Variants in NR1D2 observed in about 807,000 individuals in gnomAD.
NR1D2 encodes the protein V-erbA-related protein 1-related.
A neutral mutation model predicts 52.2 loss-of-function variants in NR1D2; 25 were observed. That is an observed-to-expected ratio of 0.48 (90% CI 0.35 to 0.67). The LOEUF is 0.67. Ranked by LOEUF, NR1D2 falls within the 30% of genes least tolerant of loss-of-function variation. NR1D2 has a pLI of 0.01. For synonymous variants in NR1D2, 259 were observed against 230.1 expected, an observed-to-expected ratio of 1.13 and a Z score of -1.14; for missense variants, 681 against 707.2, an observed-to-expected ratio of 0.96 and a Z score of 0.42.
chr3:23,950,897 TTTTTC>T (rs1705909742), intron 1 of NR1D2, among the ~76,000 whole-genome samples: 1 of 133,776 alleles, frequency 7.5e-6, no homozygotes, highest in African/African-American at 3.2e-5. Flanking sequence ...TTTCTCTTTC[TTTTTC>T]TTTTTTTTTT....
chr3:23,970,532 T>C (rs538455734), intron 7 of NR1D2, among the ~76,000 whole-genome samples: 1 of 152,312 alleles, frequency 6.6e-6, no homozygotes, highest in South Asian at 2.1e-4. Flanking sequence ...GGAGTCTTTA[T>C]CCATTTACCT....
chr3:23,969,443 G>A (rs549666372), intron 7 of NR1D2, among the ~76,000 whole-genome samples: 61 of 152,172 alleles, frequency 4.0e-4, no homozygotes, highest in Non-Finnish European at 7.1e-4. Flanking sequence ...TGTATATGAC[G>A]TGGGAGTAGT....
chr3:23,958,214 T>C (rs780337498), intron 3 of NR1D2, among the ~76,000 whole-genome samples: 9 of 152,230 alleles, frequency 5.9e-5, no homozygotes, highest in Non-Finnish European at 1.3e-4. Context: ...ACGTAGTCAG[T>C]GATTTCTGTC....
chr3:23,954,434 G>C (rs1706029555), intron 1 of NR1D2, 103 bp from the exon 2 acceptor site: 1 of 940,094 alleles, frequency 1.1e-6, no homozygotes, highest in Non-Finnish European at 1.6e-6. Flanking sequence ...TTTCATATCA[G>C]TATCCTGTTT....
chr3:23,980,088 T>G lies in NR1D2; in HGVS notation c.*2669T>G, dbSNP rs531070089. On this transcript the variant is annotated 3_prime_UTR_variant, in exon 8 of 8. Transcript: ENST00000312521. ...TTATGGTGATGGTTTAATTACAGAT[T>G]AAAAAATTAGAAGGAAATTTCAGTG... The G allele has an allele frequency of 6.6e-6, 1 of 152,264 alleles. No homozygotes were observed. Among genetic ancestry groups the G allele is most frequent in the African/African-American group, 2.4e-5 (1 of 41,562 alleles). 9.4% of individuals were successfully genotyped at this position (152,264 alleles called of 1,614,324 possible).
intron 3 of NR1D2, among the ~76,000 whole-genome samples, chr3:23,958,242 G>A (rs906822012): frequency 2.0e-5 from 3 of 152,192 alleles, no homozygotes; most frequent in Admixed American, 2.0e-4. Flanking sequence ...AGTAGGCCTT[G>A]CCATTGTCAG....
rs937806559 is a variant in NR1D2 at position 23,980,086 on chromosome 3, A to T, written c.*2667A>T. 8 of 152,158 alleles carry T rather than the reference A, an allele frequency of 5.3e-5. No homozygotes were observed. The highest frequency in any genetic ancestry group is 4.6e-4 in the Admixed American group (7 of 15,282). 9.4% of individuals were successfully genotyped at this position (152,158 alleles called of 1,614,324 possible). A position where few individuals can be genotyped will look rare whatever the true frequency, so the allele number is the denominator to read the frequency against. ...CCTTATGGTGATGGTTTAATTACAG[A>T]TTAAAAAATTAGAAGGAAATTTCAG... On this transcript the variant is annotated 3_prime_UTR_variant, in exon 8 of 8. Coordinates refer to ENST00000312521, the MANE Select transcript of NR1D2 (RefSeq NM_005126.5).
At chr3:23,949,455 C>T (rs1180226944) in intron 1 of NR1D2, among the ~76,000 whole-genome samples, 2 of 152,000 alleles carry the variant, frequency 1.3e-5, no homozygotes, top group Admixed American at 6.6e-5. Context: ...GTCTTCAATT[C>T]CCCACTTAGA....
chr3:23,950,067 A>G (rs1705883152), intron 1 of NR1D2, among the ~76,000 whole-genome samples: 1 of 152,226 alleles, frequency 6.6e-6, no homozygotes, highest in Non-Finnish European at 1.5e-5. Context: ...TCAAAGAGGT[A>G]CATACTGCCT....
At position 23,977,181 on chromosome 3, in the gene NR1D2, T is replaced by TTA. The variant is rs746172111; in HGVS notation, c.1544-40_1544-39dup. On this transcript the variant is annotated intron_variant, in intron 7 of 7. Coordinates refer to ENST00000312521, the MANE Select transcript of NR1D2 (RefSeq NM_005126.5). The stretch of plus-strand genomic sequence containing the variant: ...TTTATTTATATTTAATGTTAATAAT[T>TTA]TATCCTGTTTTTCCTATTTCCCTAT... 5.5e-6 allele frequency: 6 copies of TTA among 1,087,156 alleles called. No homozygotes were observed. The African/African-American group carries it at 9.6e-5, about 17-fold the overall frequency. 67.3% of individuals were successfully genotyped at this position (1,087,156 alleles called of 1,614,324 possible). A position where few individuals can be genotyped will look rare whatever the true frequency, so the allele number is the denominator to read the frequency against.
At chr3:23,973,148 G>A (rs548735991) in intron 7 of NR1D2, among the ~76,000 whole-genome samples, 2 of 152,182 alleles carry the variant, frequency 1.3e-5, no homozygotes, top group Non-Finnish European at 2.9e-5. Context: ...TGTTTGTGGG[G>A]ATTACTGTCA....
chr3:23,965,966 C>T (rs898945410), intron 6 of NR1D2, among the ~76,000 whole-genome samples: 8 of 152,206 alleles, frequency 5.3e-5, no homozygotes, highest in African/African-American at 1.7e-4. Context: ...GCTTCAGGAT[C>T]CTTGGCTACT....
intron 5 of NR1D2, among the ~76,000 whole-genome samples, chr3:23,963,029 T>TA (rs1450725230): frequency 6.6e-6 from 1 of 151,880 alleles, no homozygotes; most frequent in Non-Finnish European, 1.5e-5. Flanking sequence ...TTTTTTTTTT[T>TA]AACCATTATT....
Position 23,954,731 on chromosome 3 carries a change from C to G in NR1D2, c.211C>G (p.Arg71Gly), listed in dbSNP as rs764920839. The change falls in exon 2 of 8, where the codon CGA becomes GGA. Residue 71 changes from arginine (R) to glycine (G), a missense_variant. Arg to Gly is a moderately radical substitution (Grantham distance 125, BLOSUM62 -2). This residue lies in a region of NR1D2 where 94 missense variants were observed against 90.4 expected (regional missense o/e 1.04). Transcript: ENST00000312521. ...TATTGAAGGCATCTTGAAGAATGAT[C>G]GAATAGATTGTTCTATGAAAACAAG... is the stretch of plus-strand genomic sequence containing the variant. ...ANIEGILKND[R>G]IDCSMKTSKS... is the part of the protein sequence containing the mutation. 7.4e-6 allele frequency: 12 copies of G among 1,613,792 alleles called. No homozygotes were observed. The highest frequency in any genetic ancestry group is 1.3e-5 in the African/African-American group (1 of 74,884).
Position 23,979,282 on chromosome 3 carries a change from A to G in NR1D2, c.*1863A>G, listed in dbSNP as rs1347890494. 1 of 152,150 alleles carries G rather than the reference A, an allele frequency of 6.6e-6. No individual in the cohort carries two copies. Among genetic ancestry groups the G allele is most frequent in the African/African-American group, 2.4e-5 (1 of 41,460 alleles). 9.4% of individuals were successfully genotyped at this position (152,150 alleles called of 1,614,324 possible). On this transcript the variant is annotated 3_prime_UTR_variant, in exon 8 of 8. Transcript: ENST00000312521. ...TAAGTAGGTATAACTCTTATGGGAT[A>G]TACAGTATAGTTTTTGTGAATCTTT... is the stretch of plus-strand genomic sequence containing the variant.
intron 5 of NR1D2, among the ~76,000 whole-genome samples, chr3:23,964,087 T>C (rs1279215093): frequency 6.6e-6 from 1 of 151,718 alleles, no homozygotes; most frequent in Admixed American, 6.6e-5. Flanking sequence ...TTTTTCTTTT[T>C]TTTTTTTTCG....
chr3:23,959,645 G>A (rs1706184206), intron 3 of NR1D2, 26 bp from the exon 4 acceptor site: 5 of 1,601,070 alleles, frequency 3.1e-6, no homozygotes, highest in Non-Finnish European at 4.3e-6. Flanking sequence ...TTTTAAATGG[G>A]TAAGTAAATC....
chr3:23,958,512 A>G (rs971625040), intron 3 of NR1D2, among the ~76,000 whole-genome samples: 2 of 152,008 alleles, frequency 1.3e-5, no homozygotes, highest in Non-Finnish European at 2.9e-5. Context: ...GTGGTAGCAC[A>G]TGTCTGTAGT....
rs772746873 is a variant in NR1D2 at position 23,978,500 on chromosome 3, T to C, written c.*1081T>C. On this transcript the variant is annotated 3_prime_UTR_variant, in exon 8 of 8. Transcript: ENST00000312521. Reference sequence around the variant, plus strand: ...ATTTCAACGACAAAAAAAAAAAACATGTATTTTAGAGTTCATCTTTGGCAA... The same window carrying C: ...ATTTCAACGACAAAAAAAAAAAACACGTATTTTAGAGTTCATCTTTGGCAA... 6.6e-6 allele frequency: 1 copy of C among 151,488 alleles called. No individual in the cohort carries two copies. Among genetic ancestry groups the C allele is most frequent in the Non-Finnish European group, 1.5e-5 (1 of 67,846 alleles). 9.4% of individuals were successfully genotyped at this position (151,488 alleles called of 1,614,324 possible).
Sources: gnomAD v4.1 joint callset for allele counts (sites outside exome capture counted in the v4.1 genomes callset) on GRCh38, gnomAD v4.1.1 for gene constraint, gnomAD v4.1.1 regional missense constraint, MANE v1.5 for transcripts, NCBI Gene and HGNC (gene_info 2026-07-23, HGNC 2026-07-21) for gene names.